NELL2: variants seen among roughly 807,000 people sequenced by gnomAD.
NELL2 encodes the protein protein kinase C-binding protein NELL2.
A neutral mutation model predicts 109.6 loss-of-function variants in NELL2; 41 were observed. That is an observed-to-expected ratio of 0.37 (90% CI 0.29 to 0.49). The LOEUF is 0.49. NELL2 is among the 20% of genes least tolerant of loss of function. NELL2 has a pLI of 0.98. For synonymous variants in NELL2, 355 were observed against 344.7 expected, an observed-to-expected ratio of 1.03 and a Z score of -0.33; for missense variants, 900 against 1,008.3, an observed-to-expected ratio of 0.89 and a Z score of 1.45.
Position 44,902,369 on chromosome 12 carries a change from G to T in NELL2, c.38+11430C>A, listed in dbSNP as rs12099893. Among the ~76,000 whole-genome samples the T allele has an allele frequency of 4.8e-3, 736 of 152,184 alleles. 6 individuals carry two copies. Among genetic ancestry groups the T allele is most frequent in the African/African-American group, 0.017 (694 of 41,520 alleles). On this transcript the variant is annotated intron_variant, in intron 1 of 20. Transcript: ENST00000333837. ...GGGATGTGAAGGACCTCTTCAAGGA[G>T]AACTAAAAACCGCTGCTCAAGGAAA... is the stretch of plus-strand genomic sequence containing the variant.
intron 1 of NELL2, among the ~76,000 whole-genome samples, chr12:44,903,534 C>T (rs993086009): frequency 6.6e-6 from 1 of 152,148 alleles, no homozygotes; most frequent in East Asian, 1.9e-4. Flanking sequence ...AATCCCATTA[C>T]TGGTTATATA....
At chr12:44,919,899 A>G (rs1831226950) in intron 1 of NELL2, among the ~76,000 whole-genome samples, 1 of 152,248 alleles carries the variant, frequency 6.6e-6, no homozygotes, top group South Asian at 2.1e-4. Context: ...TCCAAAGGAA[A>G]ACATGCAAAA....
At chr12:44,663,715 C>T (rs900771047) in intron 13 of NELL2, among the ~76,000 whole-genome samples, 1 of 151,836 alleles carries the variant, frequency 6.6e-6, no homozygotes, top group Non-Finnish European at 1.5e-5. Context: ...AAGCAGAAGA[C>T]TCTCTGTAAA....
chr12:44,897,023 T>C (rs1945600670), intron 1 of NELL2, among the ~76,000 whole-genome samples: 1 of 152,148 alleles, frequency 6.6e-6, no homozygotes, highest in Non-Finnish European at 1.5e-5. Context: ...TGCAAATAAA[T>C]ACTAAATCTG....
At chr12:44,907,182 A>T (rs1945729154) in intron 1 of NELL2, among the ~76,000 whole-genome samples, 2 of 152,108 alleles carry the variant, frequency 1.3e-5, no homozygotes, top group South Asian at 4.1e-4. Flanking sequence ...ACTATGAGTC[A>T]ATTAAACCTC....
intron 13 of NELL2, among the ~76,000 whole-genome samples, chr12:44,641,530 AG>A (rs1946853942): frequency 6.6e-6 from 1 of 152,052 alleles, no homozygotes; most frequent in East Asian, 1.9e-4. Context: ...AAAAATAATG[AG>A]GAAAATAAAC....
intron 13 of NELL2, among the ~76,000 whole-genome samples, chr12:44,631,635 C>A (rs1332038132): frequency 6.6e-6 from 1 of 151,982 alleles, no homozygotes; most frequent in Non-Finnish European, 1.5e-5. Context: ...CAGCATCACA[C>A]AATATGCTCA....
intron 2 of NELL2, among the ~76,000 whole-genome samples, chr12:44,874,563 A>T (rs553002239): frequency 1.3e-5 from 2 of 152,356 alleles, no homozygotes; most frequent in African/African-American, 4.8e-5. Flanking sequence ...TTCAAAAAAA[A>T]GTTGTAAAAT....
At chr12:44,772,606 T>C (rs1323840542) in intron 9 of NELL2, among the ~76,000 whole-genome samples, 2 of 152,226 alleles carry the variant, frequency 1.3e-5, no homozygotes, top group Non-Finnish European at 2.9e-5. Context: ...CTAGCTCTAG[T>C]AAAATGTTAA....
chr12:44,512,257 G>C (rs889736489), intron 19 of NELL2, among the ~76,000 whole-genome samples: 15 of 152,212 alleles, frequency 9.9e-5, no homozygotes, highest in East Asian at 3.9e-4. Context: ...TCAGGGAAAC[G>C]CAGGTCAAAA....
At chr12:44,827,562 G>A (rs941176003) in intron 2 of NELL2, among the ~76,000 whole-genome samples, 63 of 152,134 alleles carry the variant, frequency 4.1e-4, no homozygotes, top group African/African-American at 1.4e-3. Flanking sequence ...ACAAATAAGT[G>A]AGAAGATGCA....
At chr12:44,588,099 C>T (rs908985730) in intron 15 of NELL2, among the ~76,000 whole-genome samples, 4 of 149,390 alleles carry the variant, frequency 2.7e-5, no homozygotes, top group African/African-American at 5.0e-5. Flanking sequence ...TGCAGGGAGG[C>T]GGAGGTTGCA....
At chr12:44,781,320 C>T (rs12312116) in intron 3 of NELL2, among the ~76,000 whole-genome samples, 2,742 of 150,640 alleles carry the variant, frequency 0.018, 77 homozygotes, top group African/African-American at 0.064. Context: ...ATCTGGAAGA[C>T]AGAAAAAAAA....
At chr12:44,873,876 A>AC (rs1474597685) in intron 2 of NELL2, among the ~76,000 whole-genome samples, 3 of 150,018 alleles carry the variant, frequency 2.0e-5, no homozygotes, top group Non-Finnish European at 4.4e-5. Context: ...TCCAAGCCCC[A>AC]CCCTCTTATA....
At chr12:44,832,118 AG>A (rs1481554249) in intron 2 of NELL2, among the ~76,000 whole-genome samples, 29 of 152,294 alleles carry the variant, frequency 1.9e-4, no homozygotes, top group Admixed American at 5.2e-4. Flanking sequence ...CTTTTCTACA[AG>A]CATTTAAAAA....
chr12:44,796,852 C>A (rs1342034767), intron 3 of NELL2, among the ~76,000 whole-genome samples: 2 of 152,018 alleles, frequency 1.3e-5, no homozygotes, highest in African/African-American at 4.8e-5. Context: ...TATTACCCTA[C>A]ATAACTGAGC....
At chr12:44,668,428 A>T (rs185518482) in intron 12 of NELL2, among the ~76,000 whole-genome samples, 1 of 151,996 alleles carries the variant, frequency 6.6e-6, no homozygotes, top group Admixed American at 6.5e-5. Flanking sequence ...GTCCCACCCA[A>T]TGCCCCTGCC....
chr12:44,812,094 A>ACT (rs1282605092), intron 3 of NELL2, among the ~76,000 whole-genome samples: 24 of 152,084 alleles, frequency 1.6e-4, no homozygotes, highest in Non-Finnish European at 1.5e-5. Flanking sequence ...ACACCTAATC[A>ACT]CTGTCAGTTG....
At chr12:44,588,342 G>A (rs1240914439) in intron 15 of NELL2, among the ~76,000 whole-genome samples, 2 of 152,114 alleles carry the variant, frequency 1.3e-5, no homozygotes. Context: ...GGCAGCCTGA[G>A]CCATCAGGAA....
Sources: allele counts gnomAD v4.1 joint callset (sites outside exome capture counted in the v4.1 genomes callset), GRCh38; gene constraint gnomAD v4.1.1; transcripts MANE v1.5; gene names NCBI Gene and HGNC (gene_info 2026-07-23, HGNC 2026-07-21).